The following MAP4K5 variants were observed in gnomAD, a reference collection of about 807,000 sequenced individuals.
The protein encoded by MAP4K5 is MAPK/ERK kinase kinase kinase 5.
A neutral mutation model predicts 135.6 loss-of-function variants in MAP4K5; 82 were observed. That is an observed-to-expected ratio of 0.60 (90% CI 0.51 to 0.73). The LOEUF (loss-of-function observed/expected upper bound fraction) is 0.73. Among genes scored for constraint, MAP4K5 ranks in the 30% least tolerant of loss-of-function variants. MAP4K5 has a pLI of 0.00. For synonymous variants in MAP4K5, 347 were observed against 335.0 expected, an observed-to-expected ratio of 1.04 and a Z score of -0.39; for missense variants, 907 against 1,010.9, an observed-to-expected ratio of 0.90 and a Z score of 1.39.
At chr14:50,508,246 T>C (rs913304056) in intron 2 of MAP4K5, among the ~76,000 whole-genome samples, 1 of 152,174 alleles carries the variant, frequency 6.6e-6, no homozygotes, top group Non-Finnish European at 1.5e-5. Context: ...TAAATCATGC[T>C]GCCATAAAGA....
In MAP4K5 at chr14:50,475,275, G is replaced by A; in HGVS notation, c.470-126C>T. The A allele has an allele frequency of 5.8e-6, 4 of 694,068 alleles. No homozygotes were observed. The South Asian group carries it at 7.0e-5, about 12-fold the overall frequency. The allele number at this position is 694,068 out of a possible 1,614,324, so 43.0% of individuals were successfully genotyped here. A position where few individuals can be genotyped will look rare whatever the true frequency, so the allele number is the denominator to read the frequency against. On this transcript the variant is annotated intron_variant, in intron 8 of 32. Transcript: ENST00000682126. Reference sequence around the variant, plus strand: ...AATGTTAGAAAAATGCGCATAAATTGAATACCTAAATCTCTTCTTGCTTAG... The same window carrying A: ...AATGTTAGAAAAATGCGCATAAATTAAATACCTAAATCTCTTCTTGCTTAG...
At chr14:50,495,484 G>T (rs1191158684) in intron 3 of MAP4K5, among the ~76,000 whole-genome samples, 1 of 152,186 alleles carries the variant, frequency 6.6e-6, no homozygotes, top group Non-Finnish European at 1.5e-5. Flanking sequence ...TTGCAAACTG[G>T]TGAGACTGCA....
intron 4 of MAP4K5, 58 bp downstream of exon 4, chr14:50,486,046 G>C: frequency 1.5e-6 from 1 of 684,898 alleles, no homozygotes; most frequent in Non-Finnish European, 2.6e-6. Flanking sequence ...AAGGGAGAGA[G>C]TGTAGTAGCA....
At chr14:50,489,506 A>G (rs1223473173) in intron 3 of MAP4K5, among the ~76,000 whole-genome samples, 3 of 152,194 alleles carry the variant, frequency 2.0e-5, no homozygotes, top group Non-Finnish European at 1.5e-5. Flanking sequence ...AGTACCTTAC[A>G]TTTAATACAT....
chr14:50,533,361 GA>G (rs2038446860), upstream of MAP4K5: 1 of 152,008 alleles, frequency 6.6e-6, no homozygotes, highest in African/African-American at 2.4e-5. Flanking sequence ...TCTGCAGCTT[GA>G]AGAGGGTAAG....
At chr14:50,447,581 T>TGA in intron 15 of MAP4K5, 100 bp from the exon 16 acceptor site, 2 of 655,250 alleles carry the variant, frequency 3.1e-6, no homozygotes, top group Non-Finnish European at 5.1e-6. Flanking sequence ...TTATTAATCA[T>TGA]CTTGGCATTC....
At chr14:50,425,613 T>C (rs1438345558) in intron 31 of MAP4K5, among the ~76,000 whole-genome samples, 1 of 152,202 alleles carries the variant, frequency 6.6e-6, no homozygotes, top group Non-Finnish European at 1.5e-5. Flanking sequence ...AAACACTTAA[T>C]AAATTTAGAA....
At chr14:50,498,975 C>T (rs2037650841) in intron 3 of MAP4K5, among the ~76,000 whole-genome samples, 1 of 152,118 alleles carries the variant, frequency 6.6e-6, no homozygotes, top group Admixed American at 6.5e-5. Flanking sequence ...TTTGAAGTAT[C>T]TGAACTGAAT....
Position 50,532,081 on chromosome 14 carries a change from C to A in MAP4K5, c.-32G>T. The A allele has an allele frequency of 7.4e-7, 1 of 1,351,782 alleles. No homozygotes were observed. Among genetic ancestry groups the A allele is most frequent in the Non-Finnish European group, 1.0e-6 (1 of 978,362 alleles). 83.7% of individuals were successfully genotyped at this position (1,351,782 alleles called of 1,614,324 possible). On this transcript the variant is annotated 5_prime_UTR_variant, in exon 2 of 33. Transcript: ENST00000682126. Reference sequence around the variant, plus strand: ...TTAGGGCCCGGCCCCCGCCAGCTCACCCCGCGGCTCCCGGATTCCCGCTAA... The same window carrying A: ...TTAGGGCCCGGCCCCCGCCAGCTCAACCCGCGGCTCCCGGATTCCCGCTAA...
intron 3 of MAP4K5, among the ~76,000 whole-genome samples, chr14:50,489,151 T>C (rs920373242): frequency 1.5e-4 from 23 of 152,200 alleles, no homozygotes; most frequent in African/African-American, 4.6e-4. Flanking sequence ...CCAGCCCTGT[T>C]GCTCACCAGC....
At chr14:50,448,918 G>C (rs563085044) in intron 14 of MAP4K5, 86 bp from the exon 15 acceptor site, 3 of 683,066 alleles carry the variant, frequency 4.4e-6, no homozygotes, top group African/African-American at 3.7e-5. Context: ...TATATGGGGT[G>C]GGGGAGGGAG....
At chr14:50,556,696 T>C (rs1192193768) in intron 1 of MAP4K5, among the ~76,000 whole-genome samples, 1 of 152,194 alleles carries the variant, frequency 6.6e-6, no homozygotes, top group Admixed American at 6.5e-5. Context: ...ACTTTCTGCC[T>C]CTTTAGATTT....
intron 2 of MAP4K5, among the ~76,000 whole-genome samples, chr14:50,520,329 T>C (rs1168296446): frequency 6.6e-6 from 1 of 152,176 alleles, no homozygotes; most frequent in Non-Finnish European, 1.5e-5. Flanking sequence ...TGAAACCCCA[T>C]CTCTACTAAA....
intron 8 of MAP4K5, 76 bp from the exon 9 acceptor site, chr14:50,475,225 T>C: frequency 4.8e-6 from 5 of 1,035,582 alleles, no homozygotes; most frequent in Non-Finnish European, 7.5e-6. Context: ...CCCTTAGGCA[T>C]GGCAGTATTA....
At chr14:50,476,357 T>TGAC in intron 6 of MAP4K5, 51 bp from the exon 7 acceptor site, 1 of 922,974 alleles carries the variant, frequency 1.1e-6, no homozygotes, top group Non-Finnish European at 1.5e-6. Flanking sequence ...ACTGTAAATG[T>TGAC]GACTCCTAAA....
chr14:50,543,349 C>A (rs1249352209), intron 1 of MAP4K5, among the ~76,000 whole-genome samples: 1 of 152,194 alleles, frequency 6.6e-6, no homozygotes, highest in Non-Finnish European at 1.5e-5. Context: ...CACTAGATTC[C>A]TTTCATTATA....
At chr14:50,496,209 C>T (rs1009802919) in intron 3 of MAP4K5, among the ~76,000 whole-genome samples, 16 of 151,510 alleles carry the variant, frequency 1.1e-4, no homozygotes, top group African/African-American at 3.9e-4. Context: ...GCCTGTAATC[C>T]CAGGTACTCG....
intron 2 of MAP4K5, among the ~76,000 whole-genome samples, chr14:50,513,465 GAAGAA>G (rs1011020475): frequency 6.6e-6 from 1 of 151,982 alleles, no homozygotes; most frequent in Non-Finnish European, 1.5e-5. Context: ...AAAAGTTAAT[GAAGAA>G]AAGTCTAAAC....
intron 3 of MAP4K5, among the ~76,000 whole-genome samples, chr14:50,502,471 T>C (rs370062656): frequency 6.6e-6 from 1 of 152,130 alleles, no homozygotes; most frequent in African/African-American, 2.4e-5. Flanking sequence ...CCATTCCCAA[T>C]AGCGAGAAAT....
Sources: allele counts gnomAD v4.1 joint callset (sites outside exome capture counted in the v4.1 genomes callset), GRCh38; gene constraint gnomAD v4.1.1; transcripts MANE v1.5; gene names NCBI Gene and HGNC (gene_info 2026-07-23, HGNC 2026-07-21).